Variants in GNG5 observed in about 807,000 individuals in gnomAD.
The protein encoded by GNG5 is G protein subunit gamma 5, also known as guanine nucleotide-binding protein G(I)/G(S)/G(O) subunit gamma-5.
Under a neutral mutation model 6.2 loss-of-function variants are expected in GNG5, and 2 were observed. The observed-to-expected ratio is 0.32, with a 90% CI of 0.13 to 1.01. GNG5 has a LOEUF of 1.01. Among genes scored for constraint, GNG5 ranks in the 50% least tolerant of loss-of-function variants. The probability of loss-of-function intolerance (pLI) is 0.48; values close to 1 mark genes in which losing one functional copy is unlikely to be tolerated. For missense variants in GNG5, 57 were observed against 80.2 expected, an observed-to-expected ratio of 0.71 and a Z score of 1.10; for synonymous variants, 24 against 33.0, an observed-to-expected ratio of 0.73 and a Z score of 0.93.
At position 84,506,261 on chromosome 1, in the gene GNG5, A is replaced by G; in HGVS notation, c.-170T>C. On this transcript the variant is annotated 5_prime_UTR_variant, in exon 2 of 4. Coordinates refer to ENST00000370645, the MANE Select transcript of GNG5 (RefSeq NM_005274.3). ...CCTCGGTGCGCATGCGCGCCTTGCC[A>G]GCCCTCTGTTCCAGCTCCACACCCG... 4.1e-6 allele frequency: 2 copies of G among 483,468 alleles called. No homozygotes were observed. The highest frequency in any genetic ancestry group is 4.4e-5 in the Admixed American group (1 of 22,788). 29.9% of individuals were successfully genotyped at this position (483,468 alleles called of 1,614,324 possible). A position where few individuals can be genotyped will look rare whatever the true frequency, so the allele number is the denominator to read the frequency against.
At chr1:84,499,913 C>T (rs1030177656) in intron 3 of GNG5, among the ~76,000 whole-genome samples, 1 of 152,032 alleles carries the variant, frequency 6.6e-6, no homozygotes, top group African/African-American at 2.4e-5. Flanking sequence ...GTCAGGCGTT[C>T]GAGAAACGCT....
intron 2 of GNG5, among the ~76,000 whole-genome samples, chr1:84,504,279 A>T (rs1032104136): frequency 2.6e-5 from 4 of 152,242 alleles, no homozygotes; most frequent in Non-Finnish European, 5.9e-5. Flanking sequence ...AAAGCTCATT[A>T]AAAAGTACAA....
Position 84,506,189 on chromosome 1 carries a change from T to G in GNG5, c.-98A>C. 2 of 951,618 alleles carry G rather than the reference T, an allele frequency of 2.1e-6. No homozygotes were observed. The highest frequency in any genetic ancestry group is 1.7e-5 in the African/African-American group (1 of 58,092). The allele number at this position is 951,618 out of a possible 1,614,324, so 58.9% of individuals were successfully genotyped here. ...CAGCGGCGCGCGGCGGGGGCGGGGC[T>G]CCGAACTTTGTCTCTAAGTTTCCGG... is the stretch of plus-strand genomic sequence containing the variant. On this transcript the variant is annotated 5_prime_UTR_variant, in exon 2 of 4. Transcript: ENST00000370645.
chr1:84,499,206 T>C (rs1000484855), intron 3 of GNG5, among the ~76,000 whole-genome samples: 2 of 152,194 alleles, frequency 1.3e-5, no homozygotes, highest in Non-Finnish European at 2.9e-5. Context: ...ATACTAACTT[T>C]AGGATTAGTT....
chr1:84,501,735 G>T, intron 3 of GNG5, 91 bp downstream of exon 3: 1 of 778,916 alleles, frequency 1.3e-6, no homozygotes, highest in South Asian at 1.7e-5. Flanking sequence ...CAAAGGAAAG[G>T]GCATGGGATG....
At chr1:84,500,233 G>T (rs75264901) in intron 3 of GNG5, among the ~76,000 whole-genome samples, 1 of 152,274 alleles carries the variant, frequency 6.6e-6, no homozygotes, top group African/African-American at 2.4e-5. Flanking sequence ...TTAACAAAGT[G>T]ATTTGCATAT....
At chr1:84,502,655 A>G (rs1682082537) in intron 2 of GNG5, among the ~76,000 whole-genome samples, 1 of 152,212 alleles carries the variant, frequency 6.6e-6, no homozygotes, top group South Asian at 2.1e-4. Flanking sequence ...GGGTTAAACA[A>G]AAAGCAATAA....
intron 2 of GNG5, among the ~76,000 whole-genome samples, chr1:84,504,472 T>G (rs953423964): frequency 1.3e-4 from 20 of 152,222 alleles, no homozygotes; most frequent in Admixed American, 1.3e-4. Context: ...TCTTGGAGTA[T>G]TTTAGCCTGA....
chr1:84,501,810 AT>A lies in GNG5; in HGVS notation c.*19+15del. 6.4e-7 allele frequency: 1 copy of A among 1,557,834 alleles called. No individual in the cohort carries two copies. On this transcript the variant is annotated intron_variant, in intron 3 of 3. Coordinates refer to ENST00000370645, the MANE Select transcript of GNG5 (RefSeq NM_005274.3). Reference sequence around the variant, plus strand: ...CCTACAGTGTGGGTTTTTGTTTTAAATTTAAGGAAACTTACCTTTGAAAGAT... The same window carrying A: ...CCTACAGTGTGGGTTTTTGTTTTAAATTAAGGAAACTTACCTTTGAAAGAT...
rs11559301 is a variant in GNG5 at position 84,506,144 on chromosome 1, G to T, written c.-53C>A. The T allele has an allele frequency of 1.3e-6, 2 of 1,488,558 alleles. No individual in the cohort carries two copies. The highest frequency in any genetic ancestry group is 2.9e-5 in the African/African-American group (2 of 69,238). 92.2% of individuals were successfully genotyped at this position (1,488,558 alleles called of 1,614,324 possible). On this transcript the variant is annotated 5_prime_UTR_variant, in exon 2 of 4. Transcript: ENST00000370645. ...TGGGTCGGTGGGTCGTGGGCCGTGGGTCGGCGGGGCCAGACAACTCAGCGG... is the reference window on the plus strand; with the variant it reads ...TGGGTCGGTGGGTCGTGGGCCGTGGTTCGGCGGGGCCAGACAACTCAGCGG...
At chr1:84,504,819 TAGGTCCCTG>T (rs1014363830) in intron 2 of GNG5, among the ~76,000 whole-genome samples, 19 of 152,100 alleles carry the variant, frequency 1.2e-4, no homozygotes, top group Non-Finnish European at 2.8e-4. Flanking sequence ...CTGAGTAAGC[TAGGTCCCTG>T]ACATTTCTAG....
intron 3 of GNG5, among the ~76,000 whole-genome samples, chr1:84,500,332 T>C (rs949251854): frequency 6.6e-6 from 1 of 152,240 alleles, no homozygotes; most frequent in African/African-American, 2.4e-5. Flanking sequence ...AAAGCTGTTT[T>C]CTTATACTGC....
At chr1:84,505,910 C>T (rs1451540010) in intron 2 of GNG5, 101 bp downstream of exon 2, 3 of 822,036 alleles carry the variant, frequency 3.6e-6, no homozygotes, top group Non-Finnish European at 5.1e-6. Flanking sequence ...CCAGGGGAAG[C>T]GAGGGCCGGC....
chr1:84,506,067 C>A lies in GNG5; in HGVS notation c.25G>T (p.Ala9Ser). 6.3e-7 allele frequency: 1 copy of A among 1,577,284 alleles called. No individual in the cohort carries two copies. Among genetic ancestry groups the A allele is most frequent in the East Asian group, 2.5e-5 (1 of 39,702 alleles). The change falls in exon 2 of 4, where the codon GCT (alanine) becomes TCT (serine). Residue 9 changes from alanine (A) to serine (S), a missense_variant. Coordinates refer to ENST00000370645, the MANE Select transcript of GNG5 (RefSeq NM_005274.3). ...AGCTGTTGAACCACTTTCTTCATAG[C>A]GGCGACGCTGGAGGAGCCAGACATG... Reference protein sequence around the residue: MSGSSSVAAMKKVVQQLRL... With the variant: MSGSSSVASMKKVVQQLRL...
At chr1:84,505,908 AGC>A in intron 2 of GNG5, 101 bp downstream of exon 2, 1 of 800,890 alleles carries the variant, frequency 1.2e-6, no homozygotes, top group Non-Finnish European at 1.8e-6. Context: ...CTCCAGGGGA[AGC>A]GAGGGCCGGC....
At chr1:84,500,211 A>T (rs535858127) in intron 3 of GNG5, among the ~76,000 whole-genome samples, 1 of 152,374 alleles carries the variant, frequency 6.6e-6, no homozygotes, top group South Asian at 2.1e-4. Flanking sequence ...CTTCTGAATT[A>T]GAATTTGCAT....
intron 2 of GNG5, among the ~76,000 whole-genome samples, chr1:84,505,201 T>C (rs1533374): frequency 7.2e-5 from 11 of 152,028 alleles, no homozygotes; most frequent in Non-Finnish European, 1.5e-5. Context: ...AGCACTTGAA[T>C]GTCAAGTTAT....
chr1:84,501,104 A>G (rs1323257080), intron 3 of GNG5, among the ~76,000 whole-genome samples: 1 of 152,200 alleles, frequency 6.6e-6, no homozygotes, highest in African/African-American at 2.4e-5. Context: ...GGAAGGCACA[A>G]ATTAATGTAC....
chr1:84,498,933 T>C (rs113684322), intron 3 of GNG5, among the ~76,000 whole-genome samples: 2,668 of 152,098 alleles, frequency 0.018, 59 homozygotes, highest in Admixed American at 0.066. Flanking sequence ...AACCCAGACA[T>C]AGAGAAACAT....
Sources: gnomAD v4.1 joint callset for allele counts (sites outside exome capture counted in the v4.1 genomes callset) on GRCh38, gnomAD v4.1.1 for gene constraint, MANE v1.5 for transcripts, NCBI Gene and HGNC (gene_info 2026-07-23, HGNC 2026-07-21) for gene names.